Variants in FCGR1A observed in about 807,000 individuals in gnomAD.
FCGR1A encodes high affinity immunoglobulin gamma Fc receptor I.
A neutral mutation model predicts 35.0 loss-of-function variants in FCGR1A; 13 were observed. The observed-to-expected ratio is 0.37, with a 90% CI of 0.24 to 0.59. The LOEUF (loss-of-function observed/expected upper bound fraction) is 0.59, where lower values mean the gene tolerates loss of function less well. FCGR1A is among the 20% of genes least tolerant of loss of function. The pLI is 0.71. For missense variants in FCGR1A, 227 were observed against 430.0 expected (o/e 0.53, Z 4.17); for synonymous variants, 91 against 164.7 (o/e 0.55, Z 3.43).
downstream of FCGR1A, chr1:149,793,296 C>T (rs1352143395): frequency 8.4e-7 from 1 of 1,190,890 alleles, no homozygotes; most frequent in African/African-American, 1.7e-5. Flanking sequence ...GCCTCCCCGT[C>T]CAGCTCGGAG....
downstream of FCGR1A, among the ~76,000 whole-genome samples, chr1:149,793,555 G>A (rs1258310052): frequency 2.0e-5 from 3 of 152,024 alleles, no homozygotes; most frequent in African/African-American, 7.3e-5. Flanking sequence ...GGACTTAGAG[G>A]GGTGGTGGGG....
At chr1:149,795,944 T>G (rs1354089904), downstream of FCGR1A, among the ~76,000 whole-genome samples, 3 of 151,018 alleles carry the variant, frequency 2.0e-5, no homozygotes, top group Non-Finnish European at 4.4e-5. Context: ...CACATATACA[T>G]TAAGCTTGGC....
At chr1:149,792,208 A>C (rs1553752020), downstream of FCGR1A, 1 of 167,276 alleles carries the variant, frequency 6.0e-6, no homozygotes, top group Non-Finnish European at 1.3e-5. Context: ...CCCTGTAGGA[A>C]GGCAGAATGT....
At chr1:149,792,437 T>A (rs1553752072), downstream of FCGR1A, 6 of 925,416 alleles carry the variant, frequency 6.5e-6, no homozygotes, top group Non-Finnish European at 6.8e-6. Flanking sequence ...TGCCACTGTG[T>A]AACATAGCTG....
chr1:149,799,748 C>T, the FCGR1A span, among the ~76,000 whole-genome samples: 4 of 152,170 alleles, frequency 2.6e-5, no homozygotes, highest in Non-Finnish European at 1.5e-5. Context: ...TTCATCTCTG[C>T]ATGCATCTTT....
chr1:149,800,178 A>G, the FCGR1A span, among the ~76,000 whole-genome samples: 1 of 152,186 alleles, frequency 6.6e-6, no homozygotes, highest in African/African-American at 2.4e-5. Context: ...AATACAGATG[A>G]AAAGATGCAT....
At chr1:149,795,372 CAAGAA>C (rs2091789433), downstream of FCGR1A, among the ~76,000 whole-genome samples, 1 of 138,062 alleles carries the variant, frequency 7.2e-6, no homozygotes, top group Non-Finnish European at 1.6e-5. Flanking sequence ...TTATTCACTC[CAAGAA>C]AAGTAAAAGC....
At chr1:149,790,528 T>C in intron 5 of FCGR1A, 190 bp downstream of exon 5, 1 of 930,338 alleles carries the variant, frequency 1.1e-6, no homozygotes, top group Non-Finnish European at 1.6e-6. Flanking sequence ...TTAAATTTCC[T>C]TTCCTTTCTT....
intron 4 of FCGR1A, among the ~76,000 whole-genome samples, chr1:149,789,755 T>C (rs2091653874): frequency 6.6e-6 from 1 of 152,044 alleles, no homozygotes; most frequent in African/African-American, 2.4e-5. Context: ...TCCAAAACTG[T>C]CCCCACTTCA....
At chr1:149,793,073 G>T (rs587687240), downstream of FCGR1A, 3 of 1,275,112 alleles carry the variant, frequency 2.4e-6, no homozygotes, top group Middle Eastern at 6.5e-4. Flanking sequence ...GCGGCCGTCT[G>T]TGGAGGTTGC....
chr1:149,797,526 A>C, the FCGR1A span, among the ~76,000 whole-genome samples: 1,335 of 152,222 alleles, frequency 8.8e-3, 18 homozygotes, highest in African/African-American at 0.027. Context: ...GGAAGGTATG[A>C]TCTGTTTCAT....
At position 149,784,101 on chromosome 1, in the gene FCGR1A, A is replaced by T; in HGVS notation, c.151A>T (p.Ser51Cys). ...LHCEVLHLPG[S>C]SSTQWFLNGT... The stretch of plus-strand genomic sequence containing the variant: ...CTGTGAGGTGCTCCATCTGCCTGGG[A>T]GCAGCTCTACACAGTGGTTTCTCAA... Residue 51 changes from serine (S) to cysteine (C), a missense_variant, in exon 3 of 6, where the codon AGC becomes TGC. This residue lies in a region of FCGR1A where 185 missense variants were observed against 306.6 expected (regional missense o/e 0.60). Coordinates refer to ENST00000369168, the MANE Select transcript of FCGR1A (RefSeq NM_000566.4). The T allele has an allele frequency of 6.2e-7, 1 of 1,611,650 alleles. No individual in the cohort carries two copies. Among genetic ancestry groups the T allele is most frequent in the Non-Finnish European group, 8.5e-7 (1 of 1,179,832 alleles).
Position 149,788,475 on chromosome 1 carries a change from A to G in FCGR1A, c.417A>G (p.Arg139=), listed in dbSNP as rs1553751134. 6.2e-7 allele frequency: 1 copy of G among 1,613,704 alleles called. No individual in the cohort carries two copies. The highest frequency in any genetic ancestry group is 1.1e-5 in the South Asian group (1 of 91,068). ...DKLVYNVLYY[R]NGKAFKFFHW... is the part of the protein sequence containing the mutation. ...TGGTGTACAATGTGCTTTACTATCG[A>G]AATGGCAAAGCCTTTAAGTTTTTCC... is the stretch of plus-strand genomic sequence containing the variant. Residue 139 remains arginine (R), a synonymous_variant, in exon 4 of 6, where the codon CGA becomes CGG. Transcript: ENST00000369168.
At position 149,788,547 on chromosome 1, in the gene FCGR1A, T is replaced by C. The variant is rs1553751174; in HGVS notation, c.489T>C (p.Asn163=). Residue 163 remains asparagine, a synonymous_variant, in exon 4 of 6, where the codon AAT becomes AAC. Transcript: ENST00000369168. ...LTILKTNISH[N]GTYHCSGMGK... ...TTCTGAAAACCAACATAAGTCACAA[T>C]GGCACCTACCATTGCTCAGGCATGG... 1.2e-6 allele frequency: 2 copies of C among 1,613,920 alleles called. No homozygotes were observed. The highest frequency in any genetic ancestry group is 1.7e-6 in the Non-Finnish European group (2 of 1,179,838).
In FCGR1A at chr1:149,788,426, G is replaced by A. The variant is rs782064711; in HGVS notation, c.368G>A (p.Arg123Lys). The A allele has an allele frequency of 1.2e-6, 2 of 1,613,712 alleles. No homozygotes were observed. The highest frequency in any genetic ancestry group is 1.7e-6 in the Non-Finnish European group (2 of 1,179,846). The change falls in exon 4 of 6, where the codon AGG becomes AAG. Residue 123 changes from arginine to lysine, a missense_variant. Around this residue, in one of 3 missense-constraint regions of FCGR1A, gnomAD observed 185 missense variants for 306.6 expected, o/e 0.60. Transcript: ENST00000369168. Reference sequence around the variant, plus strand: ...ACGGAAGGAGAACCTCTGGCCTTGAGGTGTCATGCGTGGAAGGATAAGCTG... The same window carrying A: ...ACGGAAGGAGAACCTCTGGCCTTGAAGTGTCATGCGTGGAAGGATAAGCTG... ...VFTEGEPLAL[R>K]CHAWKDKLVY... is the part of the protein sequence containing the mutation.
chr1:149,787,851 G>T (rs1352498325), intron 3 of FCGR1A: 1 of 185,426 alleles, frequency 5.4e-6, no homozygotes, highest in East Asian at 1.3e-4. Flanking sequence ...AGCTCCTAGA[G>T]GCCCTTGCCT....
intron 3 of FCGR1A, chr1:149,786,889 T>C (rs1553750897): frequency 6.6e-6 from 1 of 152,218 alleles, no homozygotes; most frequent in East Asian, 1.9e-4. Context: ...TTAGTATTTG[T>C]TGAAAATTGC....
intron 3 of FCGR1A, among the ~76,000 whole-genome samples, chr1:149,785,243 A>C (rs1256521000): frequency 6.6e-6 from 1 of 152,166 alleles, no homozygotes; most frequent in East Asian, 1.9e-4. Flanking sequence ...CACTGGAGGC[A>C]AAATTGCCTT....
the FCGR1A span, among the ~76,000 whole-genome samples, chr1:149,798,966 T>C: frequency 7.8e-3 from 1,152 of 146,960 alleles, 11 homozygotes; most frequent in African/African-American, 0.028. Flanking sequence ...ATTTATAACA[T>C]AAATCTTACT....
Sources: allele counts gnomAD v4.1 joint callset (sites outside exome capture counted in the v4.1 genomes callset), GRCh38; gene constraint gnomAD v4.1.1; regional missense constraint gnomAD v4.1.1; transcripts MANE v1.5; gene names NCBI Gene and HGNC (gene_info 2026-07-23, HGNC 2026-07-21).